PRDM1: variants seen among roughly 807,000 people sequenced by gnomAD.
The protein encoded by PRDM1 is PR/SET domain 1.
PRDM1 carries 13 observed loss-of-function variants against 62.8 expected under a neutral mutation model. The observed-to-expected ratio is 0.21, with a 90% CI of 0.13 to 0.33. The LOEUF is 0.33. Ranked by LOEUF, PRDM1 falls within the 10% of genes least tolerant of loss-of-function variation. The probability of loss-of-function intolerance (pLI) is 1.00; values close to 1 mark genes in which losing one functional copy is unlikely to be tolerated. For synonymous variants in PRDM1, 396 were observed against 417.6 expected (o/e 0.95, Z 0.63); for missense variants, 895 against 1,058.8 (o/e 0.85, Z 2.15).
intron 2 of PRDM1, among the ~76,000 whole-genome samples, chr6:106,090,251 G>GT (rs1231531547): frequency 2.0e-4 from 30 of 152,040 alleles, no homozygotes; most frequent in Admixed American, 4.6e-4. Flanking sequence ...GCTATTTTGT[G>GT]TTTTTTTCCC....
chr6:106,105,221 G>A lies in PRDM1; in HGVS notation c.1061G>A (p.Ser354Asn), dbSNP rs143040512. The change falls in exon 5 of 7, where the codon AGC (serine) becomes AAC (asparagine). Residue 354 changes from serine (S) to asparagine (N), a missense_variant. Ser to Asn is a conservative substitution (Grantham distance 46, BLOSUM62 1). This residue lies in a region of PRDM1 where 444 missense variants were observed against 422.7 expected (regional missense o/e 1.05). Transcript: ENST00000369096. ...AGCCTCAAGAGCTCCAGCCCTCACA[G>A]CAGCCCTGGGAATACGGTGTCCCCT... Reference protein sequence around the residue: ...DQSLKSSSPHSSPGNTVSPVG... With the variant: ...DQSLKSSSPHNSPGNTVSPVG... 22,349 of 1,613,678 alleles carry A rather than the reference G, an allele frequency of 0.014. 203 individuals are homozygous for A. The highest frequency in any genetic ancestry group is 0.026 in the Middle Eastern group (159 of 6,060).
chr6:106,081,668 C>T (rs1773696620), upstream of PRDM1, among the ~76,000 whole-genome samples: 2 of 152,196 alleles, frequency 1.3e-5, no homozygotes, highest in Non-Finnish European at 2.9e-5. Flanking sequence ...TCTATCCTAA[C>T]TTACCTTGGC....
chr6:106,086,343 A>C lies in PRDM1; in HGVS notation c.-211A>C, dbSNP rs1347619729. The C allele has an allele frequency of 2.0e-6, 1 of 501,314 alleles. No individual in the cohort carries two copies. Among genetic ancestry groups the C allele is most frequent in the Non-Finnish European group, 3.6e-6 (1 of 280,042 alleles). The allele number at this position is 501,314 out of a possible 1,614,324, so 31.1% of individuals were successfully genotyped here. ...AGGGGAAGCCAGACGGTTAACACAG[A>C]CAAAGTGCTGCCGTGACACTCGGCC... is the stretch of plus-strand genomic sequence containing the variant. On this transcript the variant is annotated 5_prime_UTR_variant, in exon 1 of 7. Coordinates refer to ENST00000369096, the MANE Select transcript of PRDM1 (RefSeq NM_001198.4).
At chr6:106,063,366 C>A (rs1773376448) in intron 1 of PRDM1, among the ~76,000 whole-genome samples, 1 of 152,102 alleles carries the variant, frequency 6.6e-6, no homozygotes, top group African/African-American at 2.4e-5. Flanking sequence ...ATGTCTCACA[C>A]CCCTCCTCCT....
intron 1 of PRDM1, among the ~76,000 whole-genome samples, chr6:106,073,881 C>CT (rs2114603463): frequency 6.6e-6 from 1 of 152,296 alleles, no homozygotes; most frequent in Admixed American, 6.5e-5. Flanking sequence ...CATATACCCT[C>CT]AGTGAGGTGT....
At chr6:106,041,809 C>CTTT (rs537352355) in intron 1 of PRDM1, among the ~76,000 whole-genome samples, 2 of 129,878 alleles carry the variant, frequency 1.5e-5, no homozygotes, top group Non-Finnish European at 1.7e-5. Context: ...GTATTTCTTT[C>CTTT]TTTTTTTTTT....
chr6:106,020,928 C>T (rs1053047420), intron 1 of PRDM1, among the ~76,000 whole-genome samples: 12 of 152,176 alleles, frequency 7.9e-5, no homozygotes, highest in Non-Finnish European at 1.3e-4. Context: ...AACCTGCACC[C>T]GGCTCCATGC....
chr6:106,040,861 C>T (rs1307231317), intron 1 of PRDM1, among the ~76,000 whole-genome samples: 1 of 152,136 alleles, frequency 6.6e-6, no homozygotes, highest in African/African-American at 2.4e-5. Flanking sequence ...TACTATCTTG[C>T]ATTTGTCAAT....
intron 1 of PRDM1, among the ~76,000 whole-genome samples, chr6:106,015,919 TCAA>T (rs1485827711): frequency 1.3e-5 from 2 of 152,198 alleles, no homozygotes; most frequent in Admixed American, 1.3e-4. Context: ...GTACACACTG[TCAA>T]CATTATCTGT....
intron 1 of PRDM1, among the ~76,000 whole-genome samples, chr6:106,020,952 C>A (rs946988235): frequency 6.6e-6 from 1 of 152,222 alleles, no homozygotes; most frequent in Non-Finnish European, 1.5e-5. Context: ...TCCTTTCCCC[C>A]TCTTGTCTAC....
intron 4 of PRDM1, 62 bp from the exon 5 acceptor site, chr6:106,104,763 T>C (rs960118887): frequency 7.3e-6 from 11 of 1,516,978 alleles, no homozygotes; most frequent in Admixed American, 6.6e-5. Context: ...GGAGCAACTT[T>C]GGCAGTTTTG....
chr6:106,109,164 G>A lies in PRDM1; in HGVS notation c.*1678G>A, dbSNP rs1774611542. 4.7e-6 allele frequency: 1 copy of A among 211,390 alleles called. No homozygotes were observed. Among genetic ancestry groups the A allele is most frequent in the African/African-American group, 2.3e-5 (1 of 43,220 alleles). The allele number at this position is 211,390 out of a possible 1,614,324, so 13.1% of individuals were successfully genotyped here. A position where few individuals can be genotyped will look rare whatever the true frequency, so the allele number is the denominator to read the frequency against. ...TAATACTTGGTGACCTCACAATCAC[G>A]TCGGTATGATTGGGCACCCTTGCCT... is the stretch of plus-strand genomic sequence containing the variant. On this transcript the variant is annotated 3_prime_UTR_variant, in exon 7 of 7. Transcript: ENST00000369096.
Position 106,106,633 on chromosome 6 carries a change from T to C in PRDM1, c.1902+134T>C. On this transcript the variant is annotated intron_variant, in intron 6 of 6. Transcript: ENST00000369096. The surrounding 1 kb of genome is among the most constrained non-coding windows in gnomAD (Gnocchi z 4.4). The stretch of plus-strand genomic sequence containing the variant: ...TTGTCCCATCCTGGACTGATGGCAC[T>C]ATGGTCCTTCCCAGTACTTTGTATC... 1.6e-6 allele frequency: 2 copies of C among 1,281,262 alleles called. No homozygotes were observed. The highest frequency in any genetic ancestry group is 2.1e-6 in the Non-Finnish European group (2 of 934,998). 79.4% of individuals were successfully genotyped at this position (1,281,262 alleles called of 1,614,324 possible).
rs113234476 is a variant in PRDM1 at position 106,036,309 on chromosome 6, C to T, written c.-67+42670C>T. 4.8e-3 allele frequency among the ~76,000 whole-genome samples: 731 copies of T among 151,778 alleles called. 6 individuals carry two copies. Among genetic ancestry groups the T allele is most frequent in the South Asian group, 0.013 (62 of 4,798 alleles). ...GATTACAGATGTGCACCACCATGCACGGCTAACCATGCACTCTAACTTAAG... is the reference window on the plus strand; with the variant it reads ...GATTACAGATGTGCACCACCATGCATGGCTAACCATGCACTCTAACTTAAG... On this transcript the variant is annotated intron_variant, in intron 1 of 6. Transcript: ENST00000652320.
chr6:106,096,181 ACT>A (rs1469661364), intron 3 of PRDM1: 3 of 161,156 alleles, frequency 1.9e-5, no homozygotes, highest in Non-Finnish European at 2.7e-5. Context: ...ATGGAGTCTC[ACT>A]CTGTCACCAG....
chr6:106,093,050 C>T (rs1241349591), intron 2 of PRDM1, among the ~76,000 whole-genome samples: 1 of 152,132 alleles, frequency 6.6e-6, no homozygotes, highest in African/African-American at 2.4e-5. Flanking sequence ...TTATCATAGA[C>T]CTCTCTTCTA....
chr6:106,023,712 A>G (rs1424778583), intron 1 of PRDM1, among the ~76,000 whole-genome samples: 10 of 152,170 alleles, frequency 6.6e-5, no homozygotes, highest in African/African-American at 2.4e-4. Flanking sequence ...GTTCGCATGC[A>G]ATTGTCCCAG....
chr6:106,078,845 C>A (rs1037954135), intron 1 of PRDM1, among the ~76,000 whole-genome samples: 24 of 151,978 alleles, frequency 1.6e-4, no homozygotes, highest in African/African-American at 5.8e-4. Flanking sequence ...CAGAGGGAGG[C>A]CCTGTCTCAG....
At chr6:106,057,024 C>A (rs1460618937) in intron 1 of PRDM1, among the ~76,000 whole-genome samples, 1 of 152,186 alleles carries the variant, frequency 6.6e-6, no homozygotes, top group Admixed American at 6.5e-5. Flanking sequence ...AAGGGTTCAT[C>A]AGAAATTGCA....
Sources: gnomAD v4.1 joint callset for allele counts (sites outside exome capture counted in the v4.1 genomes callset) on GRCh38, gnomAD v4.1.1 for gene constraint, gnomAD v4.1.1 regional missense constraint, Gnocchi (gnomAD v3.1) non-coding constraint, MANE v1.5 for transcripts, NCBI Gene and HGNC (gene_info 2026-07-23, HGNC 2026-07-21) for gene names.